The following ATP8A1 variants were observed in gnomAD, a reference collection of about 807,000 sequenced individuals.
The protein encoded by ATP8A1 is ATPase phospholipid transporting 8A1.
A neutral mutation model predicts 177.7 loss-of-function variants in ATP8A1; 90 were observed. That is an observed-to-expected ratio of 0.51 (90% CI 0.43 to 0.60). The LOEUF is 0.60. ATP8A1 is among the 20% of genes least tolerant of loss of function. The pLI is 0.00. For synonymous variants in ATP8A1, 493 were observed against 485.9 expected, an observed-to-expected ratio of 1.01 and a Z score of -0.19; for missense variants, 1,072 against 1,392.8, an observed-to-expected ratio of 0.77 and a Z score of 3.67.
chr4:42,470,467 TAC>T (rs1720274397), intron 25 of ATP8A1, among the ~76,000 whole-genome samples: 1 of 152,130 alleles, frequency 6.6e-6, no homozygotes, highest in African/African-American at 2.4e-5. Context: ...AGAATATATG[TAC>T]ATATATATAA....
intron 22 of ATP8A1, among the ~76,000 whole-genome samples, chr4:42,507,402 A>C (rs917941576): frequency 3.3e-5 from 5 of 152,088 alleles, no homozygotes; most frequent in African/African-American, 1.2e-4. Context: ...TTCTAAAATA[A>C]ATTTGCATAG....
At chr4:42,543,782 A>T in intron 20 of ATP8A1, 135 bp downstream of exon 20, 1 of 607,672 alleles carries the variant, frequency 1.6e-6, no homozygotes, top group South Asian at 2.3e-5. Flanking sequence ...GAACACTATT[A>T]CTATAAAACA....
chr4:42,503,561 A>T, intron 23 of ATP8A1, 47 bp from the exon 24 acceptor site: 1 of 1,237,000 alleles, frequency 8.1e-7, no homozygotes, highest in Non-Finnish European at 1.2e-6. Context: ...TCCAGAGAAT[A>T]TGTAAAGATG....
chr4:42,607,840 TAA>T (rs35490614), intron 5 of ATP8A1, among the ~76,000 whole-genome samples: 28,606 of 151,990 alleles, frequency 0.19, 2,760 homozygotes, highest in Non-Finnish European at 0.21. Flanking sequence ...TGGAAAGCGT[TAA>T]GAGCCTAGAG....
intron 30 of ATP8A1, among the ~76,000 whole-genome samples, chr4:42,450,739 A>T (rs59228675): frequency 0.15 from 23,376 of 152,248 alleles, 2,227 homozygotes; most frequent in South Asian, 0.24. Flanking sequence ...ATTCATTCAC[A>T]ATTTGCTGAG....
chr4:42,633,039 T>C (rs1489260060), intron 1 of ATP8A1, among the ~76,000 whole-genome samples: 1 of 152,230 alleles, frequency 6.6e-6, no homozygotes, highest in African/African-American at 2.4e-5. Flanking sequence ...TGAGCCTTTA[T>C]TGAGATGTTT....
chr4:42,645,034 GGT>G (rs771546862), intron 1 of ATP8A1, among the ~76,000 whole-genome samples: 34 of 151,954 alleles, frequency 2.2e-4, no homozygotes, highest in Admixed American at 5.2e-4. Flanking sequence ...AAAGCAAGCA[GGT>G]TACCAAAAAA....
At position 42,578,275 on chromosome 4, in the gene ATP8A1, T is replaced by A; in HGVS notation, c.1113A>T (p.Ala371=). Residue 371 remains alanine (A), a synonymous_variant, in exon 12 of 37, where the codon GCA becomes GCT. Coordinates refer to ENST00000381668, the MANE Select transcript of ATP8A1 (RefSeq NM_006095.2). ...TCATATTTACCCAATTTATGAAGTA[T>A]GCCTGGGTAAATTTCACAACTTCTA... ...VTLEVVKFTQ[A]YFINWDLDMH... 2 of 1,605,740 alleles carry A rather than the reference T, an allele frequency of 1.2e-6. No homozygotes were observed. The highest frequency in any genetic ancestry group is 1.7e-6 in the Non-Finnish European group (2 of 1,176,026).
At chr4:42,646,408 C>A (rs932046249) in intron 1 of ATP8A1, among the ~76,000 whole-genome samples, 1 of 152,148 alleles carries the variant, frequency 6.6e-6, no homozygotes, top group African/African-American at 2.4e-5. Context: ...GGGACTAAAT[C>A]TATGTGGGAT....
intron 25 of ATP8A1, among the ~76,000 whole-genome samples, chr4:42,476,611 TAA>T (rs879784297): frequency 3.4e-4 from 46 of 136,208 alleles, no homozygotes; most frequent in Non-Finnish European, 4.1e-4. Flanking sequence ...AGGGTGAGAT[TAA>T]AAAAAAAAAA....
At chr4:42,613,715 C>G (rs1367074311) in intron 5 of ATP8A1, among the ~76,000 whole-genome samples, 1 of 152,042 alleles carries the variant, frequency 6.6e-6, no homozygotes, top group Non-Finnish European at 1.5e-5. Flanking sequence ...TCCCGAATAG[C>G]TGGGATTACA....
At chr4:42,650,461 AT>A (rs1325125621) in intron 1 of ATP8A1, among the ~76,000 whole-genome samples, 1 of 152,214 alleles carries the variant, frequency 6.6e-6, no homozygotes, top group Admixed American at 6.5e-5. Flanking sequence ...CTGGTGCATA[AT>A]AAGTGGTTTT....
In ATP8A1 at chr4:42,446,571, T is replaced by C; in HGVS notation, c.2958+12A>G. 6.2e-7 allele frequency: 1 copy of C among 1,612,708 alleles called. No homozygotes were observed. Among genetic ancestry groups the C allele is most frequent in the Non-Finnish European group, 8.5e-7 (1 of 1,178,934 alleles). ...ATTTTACACGCAAACGAGACCGACA[T>C]CCCGCACTCACAGTGTACACAAAGT... On this transcript the variant is annotated intron_variant, in intron 31 of 36. Coordinates refer to ENST00000381668, the MANE Select transcript of ATP8A1 (RefSeq NM_006095.2).
At chr4:42,509,187 A>G (rs1724740252) in intron 22 of ATP8A1, among the ~76,000 whole-genome samples, 1 of 152,224 alleles carries the variant, frequency 6.6e-6, no homozygotes, top group East Asian at 1.9e-4. Context: ...CCAATGTCCC[A>G]AGGTATAATT....
chr4:42,621,806 T>G (rs992042316), intron 4 of ATP8A1, among the ~76,000 whole-genome samples: 2 of 152,130 alleles, frequency 1.3e-5, no homozygotes, highest in African/African-American at 4.8e-5. Flanking sequence ...GCTGGAGGTA[T>G]CAATTATGCT....
intron 1 of ATP8A1, among the ~76,000 whole-genome samples, chr4:42,640,276 T>TA (rs1305153267): frequency 1.3e-5 from 2 of 152,376 alleles, no homozygotes; most frequent in East Asian, 3.9e-4. Flanking sequence ...AGAATTCAGT[T>TA]AAACATGGAA....
At chr4:42,496,435 G>A (rs551622919) in intron 24 of ATP8A1, among the ~76,000 whole-genome samples, 8 of 152,038 alleles carry the variant, frequency 5.3e-5, no homozygotes, top group Non-Finnish European at 8.8e-5. Flanking sequence ...CAAAGCACGC[G>A]GGGAGGAACT....
intron 29 of ATP8A1, among the ~76,000 whole-genome samples, chr4:42,452,498 TATCAAGAGATATAA>T (rs1280292840): frequency 6.6e-6 from 1 of 152,200 alleles, no homozygotes; most frequent in East Asian, 1.9e-4. Flanking sequence ...TGCTTTCTCT[TATCAAGAGATATAA>T]AGATACTCTA....
chr4:42,579,382 A>T lies in ATP8A1; in HGVS notation c.1000+431T>A, dbSNP rs566325196. On this transcript the variant is annotated intron_variant, in intron 11 of 36. Transcript: ENST00000381668. ...TATTTAAGATAAAATATATTTAAAT[A>T]TTTATATTATTTAAATATATTTAAA... 3.4e-5 allele frequency among the ~76,000 whole-genome samples: 5 copies of T among 147,862 alleles called. No homozygotes were observed. In the Admixed American group the frequency reaches 3.4e-4, roughly 10 times the overall value.
Sources: allele counts gnomAD v4.1 joint callset (sites outside exome capture counted in the v4.1 genomes callset), GRCh38; gene constraint gnomAD v4.1.1; transcripts MANE v1.5; gene names NCBI Gene and HGNC (gene_info 2026-07-23, HGNC 2026-07-21).